The following STAB1 variants were observed in gnomAD, a reference collection of about 807,000 sequenced individuals.
STAB1 encodes stabilin-1.
A neutral mutation model predicts 332.4 loss-of-function variants in STAB1; 250 were observed. The ratio of observed to expected loss-of-function variants is 0.75; its 90% CI spans 0.68 to 0.84. The LOEUF (loss-of-function observed/expected upper bound fraction) is 0.84. Among genes scored for constraint, STAB1 ranks in the 40% least tolerant of loss-of-function variants. The pLI, the probability that STAB1 is intolerant of heterozygous loss-of-function variation, is 0.00. For synonymous variants in STAB1, 1,475 were observed against 1,390.4 expected (o/e 1.06, Z -1.35); for missense variants, 3,249 against 3,489.7 (o/e 0.93, Z 1.74).
rs751332061 is a variant in STAB1, at chr3:52,501,280, G to A, written c.193G>A (p.Asp65Asn). 9.9e-6 allele frequency: 16 copies of A among 1,613,462 alleles called. No individual in the cohort carries two copies. Among genetic ancestry groups the A allele is most frequent in the Non-Finnish European group, 1.3e-5 (15 of 1,180,014 alleles). The change falls in exon 2 of 69, where the codon GAT becomes AAT. Residue 65 changes from aspartate to asparagine, a missense_variant. Coordinates refer to ENST00000321725, the MANE Select transcript of STAB1 (RefSeq NM_015136.3). Reference sequence around the variant, plus strand: ...CTCAGGCTGGCTGCGGGAGCTCCCGGATCAGATAACCCAGGACTGCCGGTG... The same window carrying A: ...CTCAGGCTGGCTGCGGGAGCTCCCGAATCAGATAACCCAGGACTGCCGGTG... Reference protein sequence around the residue: ...CPSGWLRELPDQITQDCRYEV... With the variant: ...CPSGWLRELPNQITQDCRYEV...
chr3:52,502,218 C>G lies in STAB1; in HGVS notation c.477C>G (p.Asp159Glu). Residue 159 changes from aspartate to glutamate, a missense_variant, in exon 5 of 69, where the codon GAC becomes GAG. Physicochemically the swap from Asp to Glu is conservative, Grantham distance 45. Transcript: ENST00000321725. ...AAGACCCCAACCGGTTCGGGCCTGA[C>G]TGCCAATCGGGTGAGTGCTTAAAAG... ...ECQDPNRFGP[D>E]CQSVCSCVHG... 1 of 1,612,218 alleles carries G rather than the reference C, an allele frequency of 6.2e-7. No homozygotes were observed. Among genetic ancestry groups the G allele is most frequent in the Non-Finnish European group, 8.5e-7 (1 of 1,179,990 alleles).
Position 52,520,300 on chromosome 3 carries a change from G to A in STAB1, c.5499+10G>A, listed in dbSNP as rs200062163. On this transcript the variant is annotated intron_variant, in intron 52 of 68. Transcript: ENST00000321725. ...CAGCCGAACGCGGGCCGTGAGTCTG[G>A]GGAGAGGGCTTGGATGAAGGGAGTA... 4.5e-5 allele frequency: 72 copies of A among 1,613,038 alleles called. No individual in the cohort carries two copies. In the African/African-American group the frequency reaches 9.1e-4, roughly 20 times the overall value.
intron 1 of STAB1, 58 bp from the exon 2 acceptor site, chr3:52,501,108 A>T: frequency 6.3e-7 from 1 of 1,582,932 alleles, no homozygotes; most frequent in Non-Finnish European, 8.6e-7. Flanking sequence ...CACTGAGGAC[A>T]GGGTCAGGAC....
At position 52,524,319 on chromosome 3, in the gene STAB1, A is replaced by T. The variant is rs1253648858; in HGVS notation, c.7676A>T (p.Asp2559Val). The T allele has an allele frequency of 1.2e-6, 2 of 1,613,758 alleles. No individual in the cohort carries two copies. The highest frequency in any genetic ancestry group is 1.3e-5 in the African/African-American group (1 of 74,940). ...EPFDDSLLEEDFPDTQRILTV... is the reference protein window; with the variant it reads ...EPFDDSLLEEVFPDTQRILTV... ...TTCTAGGACTCACTGCTGGAGGAGG[A>T]CTTCCCTGACACCCAGAGGATCCTC... is the stretch of plus-strand genomic sequence containing the variant. Residue 2559 changes from aspartate (D) to valine (V), a missense_variant, in exon 69 of 69, where the codon GAC (aspartate) becomes GTC (valine). Asp to Val is a radical substitution (Grantham distance 152). Coordinates refer to ENST00000321725, the MANE Select transcript of STAB1 (RefSeq NM_015136.3).
rs777021921 is a variant in STAB1, at chr3:52,523,275, C to T, written c.7074C>T (p.Phe2358=). 21 of 1,613,196 alleles carry T rather than the reference C, an allele frequency of 1.3e-5. No homozygotes were observed. Among genetic ancestry groups the T allele is most frequent in the Non-Finnish European group, 1.7e-5 (20 of 1,180,008 alleles). Residue 2358 remains phenylalanine (F), a synonymous_variant, in exon 64 of 69, where the codon TTC becomes TTT. Coordinates refer to ENST00000321725, the MANE Select transcript of STAB1 (RefSeq NM_015136.3). ...ATQRGLDFLD[F]LDDELTYKTL... ...AGCGGGGTCTCGACTTCCTGGACTT[C>T]CTGGATGATGAGCTCACGTATAAGA...
intron 55 of STAB1, 132 bp downstream of exon 55, chr3:52,521,137 C>T (rs1222227539): frequency 1.6e-6 from 2 of 1,242,110 alleles, no homozygotes; most frequent in Non-Finnish European, 2.2e-6. Flanking sequence ...GTAGATTTTA[C>T]TAGCGGGAGT....
At chr3:52,518,136 T>C in intron 45 of STAB1, 133 bp downstream of exon 45, 1 of 1,492,366 alleles carries the variant, frequency 6.7e-7, no homozygotes, top group Non-Finnish European at 9.0e-7. Context: ...CCCCTGATTG[T>C]ACCTGGGCCT....
Position 52,510,480 on chromosome 3 carries a change from C to T in STAB1, c.2760C>T (p.Ala920=), listed in dbSNP as rs763655661. The T allele has an allele frequency of 1.2e-6, 2 of 1,613,452 alleles. No homozygotes were observed. The highest frequency in any genetic ancestry group is 2.2e-5 in the East Asian group (1 of 44,900). Residue 920 remains alanine, a synonymous_variant, in exon 25 of 69, where the codon GCC becomes GCT. Coordinates refer to ENST00000321725, the MANE Select transcript of STAB1 (RefSeq NM_015136.3). ...TGAGAGGTGGCTGCCACACCGATGC[C>T]CTCTGCAGCTATGTGGGCCCCGGGC... ...LDMRGGCHTD[A]LCSYVGPGQS...
At chr3:52,505,437 A>T in intron 14 of STAB1, 56 bp downstream of exon 14, 1 of 1,554,494 alleles carries the variant, frequency 6.4e-7, no homozygotes, top group Non-Finnish European at 8.8e-7. Flanking sequence ...CTGAGCCAGG[A>T]CTCATTATCC....
Position 52,523,758 on chromosome 3 carries a change from T to C in STAB1, c.7395+2T>C. 1 of 1,596,904 alleles carries C rather than the reference T, an allele frequency of 6.3e-7. No homozygotes were observed. ...CCCCTCCTGGCACCCCCACAGCCCG[T>C]GAGTTGAGGAAGGGGGAGGCAGAGC... On this transcript the variant is annotated splice_donor_variant, in intron 66 of 68. Transcript: ENST00000321725. LOFTEE classifies it high-confidence loss of function.
chr3:52,518,653 C>A, intron 47 of STAB1, 40 bp downstream of exon 47: 1 of 1,611,444 alleles, frequency 6.2e-7, no homozygotes. Flanking sequence ...GGGCTGGGTG[C>A]TCTGGTGGTG....
At position 52,520,005 on chromosome 3, in the gene STAB1, C is replaced by G; in HGVS notation, c.5297C>G (p.Pro1766Arg). 6.2e-7 allele frequency: 1 copy of G among 1,612,118 alleles called. No homozygotes were observed. The highest frequency in any genetic ancestry group is 8.5e-7 in the Non-Finnish European group (1 of 1,179,810). ...CATAGGCCCTTCACAATGCTGTGGC[C>G]CACAGACGCCGCCTTTCGAGCTCTG... ...ASHRPFTMLW[P>R]TDAAFRALPP... is the part of the protein sequence containing the mutation. The change falls in exon 51 of 69, where the codon CCC becomes CGC. Residue 1766 changes from proline to arginine, a missense_variant. Transcript: ENST00000321725.
Position 52,501,676 on chromosome 3 carries a change from G to A in STAB1, c.254G>A (p.Ser85Asn), listed in dbSNP as rs1708455050. ...CTGGGGGGCTCTATGGTGTCCATGAGCGGCTGCAGACGGAAGTGCCGGAAG... is the reference window on the plus strand; with the variant it reads ...CTGGGGGGCTCTATGGTGTCCATGAACGGCTGCAGACGGAAGTGCCGGAAG... The part of the protein sequence containing the change: ...VQLGGSMVSM[S>N]GCRRKCRKQV... The change falls in exon 3 of 69, where the codon AGC becomes AAC. Residue 85 changes from serine to asparagine, a missense_variant. Coordinates refer to ENST00000321725, the MANE Select transcript of STAB1 (RefSeq NM_015136.3). The A allele has an allele frequency of 6.3e-7, 1 of 1,578,056 alleles. No homozygotes were observed. Among genetic ancestry groups the A allele is most frequent in the African/African-American group, 1.4e-5 (1 of 73,926 alleles).
intron 37 of STAB1, 117 bp downstream of exon 37, chr3:52,515,623 G>A: frequency 9.1e-7 from 1 of 1,094,194 alleles, no homozygotes; most frequent in Non-Finnish European, 1.4e-6. Context: ...TGGGACTAGG[G>A]TGAGGCCAGA....
In STAB1 at chr3:52,517,950, G is replaced by A. The variant is rs147254311; in HGVS notation, c.4708G>A (p.Asp1570Asn). 3.9e-5 allele frequency: 63 copies of A among 1,610,274 alleles called. No individual in the cohort carries two copies. The East Asian group carries it at 5.1e-4, about 13-fold the overall frequency. The change falls in exon 45 of 69, where the codon GAC becomes AAC. Residue 1570 changes from aspartate (D) to asparagine (N), a missense_variant. Transcript: ENST00000321725. ...GGATGGCCAGAGGACATGTACCTGC[G>A]ACACAGCCCACACCGTGGGGGACGG... ...TGDGQRTCTC[D>N]TAHTVGDGLT...
rs749805778 is a variant in STAB1, at chr3:52,522,019, C to G, written c.6272-18C>G. 1.2e-6 allele frequency: 2 copies of G among 1,612,256 alleles called. No individual in the cohort carries two copies. Among genetic ancestry groups the G allele is most frequent in the African/African-American group, 2.7e-5 (2 of 74,906 alleles). On this transcript the variant is annotated intron_variant, in intron 58 of 68. Coordinates refer to ENST00000321725, the MANE Select transcript of STAB1 (RefSeq NM_015136.3). Reference sequence around the variant, plus strand: ...CCCCTGCAGTCACTAGGTCCAACCACTCCCTCCCTGCCCTCAGTGGCAGAC... The same window carrying G: ...CCCCTGCAGTCACTAGGTCCAACCAGTCCCTCCCTGCCCTCAGTGGCAGAC...
At chr3:52,515,166 C>A in intron 36 of STAB1, 121 bp downstream of exon 36, 1 of 1,304,746 alleles carries the variant, frequency 7.7e-7, no homozygotes, top group Non-Finnish European at 1.1e-6. Context: ...GCTCAGGGAA[C>A]TGGGTGGCTG....
chr3:52,505,804 C>CT, intron 15 of STAB1, 23 bp downstream of exon 15: 1 of 1,613,810 alleles, frequency 6.2e-7, no homozygotes, highest in Non-Finnish European at 8.5e-7. Flanking sequence ...GGAGAAGGGG[C>CT]TGCGGGTATG....
intron 1 of STAB1, 137 bp downstream of exon 1, chr3:52,495,628 C>T (rs1707957297): frequency 1.3e-6 from 1 of 791,960 alleles, no homozygotes; most frequent in Non-Finnish European, 1.7e-6. Flanking sequence ...TCTTAGCAGG[C>T]CTGGGGGCTG....
Sources: gnomAD v4.1 joint callset for allele counts on GRCh38, gnomAD v4.1.1 for gene constraint, MANE v1.5 for transcripts, NCBI Gene and HGNC (gene_info 2026-07-23, HGNC 2026-07-21) for gene names.